Variants in CSMD1 observed in about 807,000 individuals in gnomAD.
CSMD1 encodes CUB and Sushi multiple domains 1, also known as CUB and sushi domain-containing protein 1.
A neutral mutation model predicts 417.5 loss-of-function variants in CSMD1; 213 were observed. The observed-to-expected ratio is 0.51, with a 90% CI of 0.46 to 0.57. The LOEUF (loss-of-function observed/expected upper bound fraction) is 0.57, where lower values mean the gene tolerates loss of function less well. Ranked by LOEUF, CSMD1 falls within the 20% of genes least tolerant of loss-of-function variation. CSMD1 has a pLI of 0.00. For synonymous variants in CSMD1, 2,862 were observed against 1,736.8 expected (o/e 1.65, Z -16.11); for missense variants, 6,923 against 4,529.7 (o/e 1.53, Z -15.17).
chr8:3,000,290 CTTTT>C (rs1010566067), intron 52 of CSMD1, among the ~76,000 whole-genome samples, 159 bp from the exon 53 acceptor site: 1 of 149,700 alleles, frequency 6.7e-6, no homozygotes, highest in East Asian at 2.0e-4. Context: ...TATAGTTTTT[CTTTT>C]TTTTATTATT....
intron 3 of CSMD1, among the ~76,000 whole-genome samples, chr8:4,076,638 G>A (rs1478896882): frequency 1.3e-5 from 2 of 152,102 alleles, no homozygotes; most frequent in Non-Finnish European, 2.9e-5. Flanking sequence ...TTTATTATAA[G>A]GATTATTCTC....
intron 5 of CSMD1, among the ~76,000 whole-genome samples, chr8:3,849,124 G>A (rs1358356720): frequency 1.3e-5 from 2 of 152,050 alleles, no homozygotes; most frequent in African/African-American, 4.8e-5. Context: ...TACACTGAAA[G>A]ACAAGGAAGC....
At position 3,729,603 on chromosome 8, in the gene CSMD1, T is replaced by C. The variant is rs78821475; in HGVS notation, c.932-21112A>G. ...CTTCATGACAACCTGCTGGAAGCCA[T>C]TAGCAGATCTTAGTGTGGAAAGACG... On this transcript the variant is annotated intron_variant, in intron 6 of 69. Coordinates refer to ENST00000635120, the MANE Select transcript of CSMD1 (RefSeq NM_033225.6). Among the ~76,000 whole-genome samples the C allele has an allele frequency of 6.1e-3, 925 of 152,104 alleles. 12 individuals are homozygous for C. Among genetic ancestry groups the C allele is most frequent in the African/African-American group, 0.02 (823 of 41,478 alleles).
At chr8:4,948,349 C>T (rs926315334) in intron 1 of CSMD1, among the ~76,000 whole-genome samples, 6 of 151,818 alleles carry the variant, frequency 4.0e-5, no homozygotes, top group Non-Finnish European at 5.9e-5. Flanking sequence ...AAAATATTTG[C>T]ACATTTTTTT....
intron 3 of CSMD1, among the ~76,000 whole-genome samples, chr8:4,296,860 G>C (rs925066092): frequency 1.3e-5 from 2 of 151,898 alleles, no homozygotes; most frequent in South Asian, 2.1e-4. Context: ...TCCCAGACTT[G>C]TCTTAGACTC....
At chr8:3,797,898 G>A (rs936497351) in intron 5 of CSMD1, among the ~76,000 whole-genome samples, 5 of 151,944 alleles carry the variant, frequency 3.3e-5, no homozygotes, top group Admixed American at 6.6e-5. Context: ...AAGTTGTTAC[G>A]CATCCCTGTC....
At chr8:4,850,051 C>A (rs901498755) in intron 1 of CSMD1, among the ~76,000 whole-genome samples, 1 of 152,132 alleles carries the variant, frequency 6.6e-6, no homozygotes, top group Non-Finnish European at 1.5e-5. Flanking sequence ...CTATACTTGG[C>A]TTTTTTTATT....
intron 21 of CSMD1, 61 bp downstream of exon 21, chr8:3,359,091 T>C: frequency 6.4e-7 from 1 of 1,557,602 alleles, no homozygotes; most frequent in Non-Finnish European, 8.8e-7. Context: ...ACCCTAGGCT[T>C]CTTGCCTGGG....
At chr8:4,859,030 A>C (rs1482522504) in intron 1 of CSMD1, among the ~76,000 whole-genome samples, 1 of 151,720 alleles carries the variant, frequency 6.6e-6, no homozygotes, top group African/African-American at 2.4e-5. Context: ...ACAAGGCTAC[A>C]GTAACCAAAA....
chr8:4,916,706 G>C (rs1023455983), intron 1 of CSMD1, among the ~76,000 whole-genome samples: 5 of 152,140 alleles, frequency 3.3e-5, no homozygotes, highest in Non-Finnish European at 7.3e-5. Flanking sequence ...TGAATTGTAA[G>C]GCACCATAAC....
intron 1 of CSMD1, among the ~76,000 whole-genome samples, chr8:4,720,201 T>C (rs1458449492): frequency 2.6e-5 from 4 of 151,260 alleles, no homozygotes; most frequent in South Asian, 2.1e-4. Flanking sequence ...TTTCATATAC[T>C]TTTGTTCCTT....
chr8:3,662,419 T>A (rs992485143), intron 7 of CSMD1, among the ~76,000 whole-genome samples: 7 of 152,194 alleles, frequency 4.6e-5, no homozygotes, highest in African/African-American at 1.7e-4. Context: ...CATGCCACAT[T>A]TTCTTTATCC....
rs1466091059 is a variant in CSMD1, at chr8:4,138,205, A to T, written c.416-106106T>A. 5.4e-3 allele frequency among the ~76,000 whole-genome samples: 375 copies of T among 69,338 alleles called. 19 individuals are homozygous for T. The highest frequency in any genetic ancestry group is 0.011 in the African/African-American group (284 of 25,130). The allele number at this position is 69,338 out of a possible 152,430, so 45.5% of individuals were successfully genotyped here. On this transcript the variant is annotated intron_variant, in intron 3 of 69. Transcript: ENST00000635120. ...GCTGGGATTACAGGCGCAGCCTTAC[A>T]TTTTTTTTTTTTTTTTTTTTCAGGT... is the stretch of plus-strand genomic sequence containing the variant.
At chr8:3,307,995 G>GGAAAGTCTTTATCCTCCATGCAAT (rs1460858946) in intron 24 of CSMD1, among the ~76,000 whole-genome samples, 174 bp from the exon 25 acceptor site, 3 of 151,982 alleles carry the variant, frequency 2.0e-5, no homozygotes, top group Non-Finnish European at 2.9e-5. Flanking sequence ...TTACCTCTGT[G>GGAAAGTCTTTATCCTCCATGCAAT]GAAAGTCTTT....
At chr8:4,832,471 G>A (rs772940769) in intron 1 of CSMD1, among the ~76,000 whole-genome samples, 2 of 152,150 alleles carry the variant, frequency 1.3e-5, no homozygotes, top group Non-Finnish European at 2.9e-5. Context: ...ATTACAAATT[G>A]TTCATGTAAA....
chr8:4,361,534 G>A (rs1284292178), intron 3 of CSMD1, among the ~76,000 whole-genome samples: 3 of 152,102 alleles, frequency 2.0e-5, no homozygotes, highest in Non-Finnish European at 4.4e-5. Flanking sequence ...TAACGACCAC[G>A]GTCCTACAAA....
At chr8:3,738,280 A>G (rs946719315) in intron 6 of CSMD1, among the ~76,000 whole-genome samples, 9 of 152,226 alleles carry the variant, frequency 5.9e-5, no homozygotes, top group Non-Finnish European at 1.2e-4. Flanking sequence ...TCACAGTGGA[A>G]GGAAGAGAAG....
At position 4,164,793 on chromosome 8, in the gene CSMD1, G is replaced by A. The variant is rs141634167; in HGVS notation, c.416-132694C>T. ...TGGGAGGCGGAGGCAGGAGAATGGC[G>A]TGAAATCCAGAGGTGGAGCTTGCAG... On this transcript the variant is annotated intron_variant, in intron 3 of 69. Coordinates refer to ENST00000635120, the MANE Select transcript of CSMD1 (RefSeq NM_033225.6). Among the ~76,000 whole-genome samples the A allele has an allele frequency of 6.3e-3, 962 of 151,940 alleles. 9 individuals carry two copies. The highest frequency in any genetic ancestry group is 0.022 in the African/African-American group (928 of 41,458).
Position 4,781,535 on chromosome 8 carries a change from A to T in CSMD1, c.86-143977T>A, listed in dbSNP as rs1585088727. On this transcript the variant is annotated intron_variant, in intron 1 of 69. Transcript: ENST00000635120. ...CATACAAGAGATAATTAAAAATCAT[A>T]AGGCCAATAGGATAATAAAAGTTTC... Among the ~76,000 whole-genome samples the T allele has an allele frequency of 2.6e-5, 4 of 152,294 alleles. No homozygotes were observed. In the East Asian group the frequency reaches 5.8e-4, roughly 22 times the overall value.
Sources: allele counts gnomAD v4.1 joint callset (sites outside exome capture counted in the v4.1 genomes callset), GRCh38; gene constraint gnomAD v4.1.1; transcripts MANE v1.5; gene names NCBI Gene and HGNC (gene_info 2026-07-23, HGNC 2026-07-21).